The following COL6A3 variants were observed in gnomAD, a reference collection of about 807,000 sequenced individuals.
COL6A3 encodes collagen type VI alpha 3 chain.
COL6A3 carries 137 observed loss-of-function variants against 274.1 expected under a neutral mutation model. That is an observed-to-expected ratio of 0.50 (90% CI 0.44 to 0.58). The LOEUF is 0.58. Among genes scored for constraint, COL6A3 ranks in the 20% least tolerant of loss-of-function variants. The pLI, the probability that COL6A3 is intolerant of heterozygous loss-of-function variation, is 0.00. For synonymous variants in COL6A3, 1,650 were observed against 1,650.6 expected (o/e 1.00, Z 0.01); for missense variants, 3,950 against 4,124.9 (o/e 0.96, Z 1.16).
At chr2:237,369,560 C>G (rs149768798) in intron 9 of COL6A3, among the ~76,000 whole-genome samples, 1 of 152,292 alleles carries the variant, frequency 6.6e-6, no homozygotes, top group Non-Finnish European at 1.5e-5. Context: ...GGATCTATAT[C>G]TTTGTTGTAC....
intron 1 of COL6A3, among the ~76,000 whole-genome samples, chr2:237,400,200 T>C (rs1024347662): frequency 6.6e-6 from 1 of 152,206 alleles, no homozygotes; most frequent in Admixed American, 6.5e-5. Flanking sequence ...GATTACAGCA[T>C]GTAAAGGCAT....
At position 237,344,754 on chromosome 2, in the gene COL6A3, G is replaced by A. The variant is rs878854379; in HGVS notation, c.7264C>T (p.Arg2422Ter). 6.9e-6 allele frequency: 11 copies of A among 1,600,510 alleles called. No homozygotes were observed. Among genetic ancestry groups the A allele is most frequent in the South Asian group, 1.1e-5 (1 of 89,514 alleles). Residue 2422 changes from arginine to a stop codon, truncating the protein, a stop_gained, in exon 36 of 44, where the codon CGA becomes TGA. Coordinates refer to ENST00000295550, the MANE Select transcript of COL6A3 (RefSeq NM_004369.4). LOFTEE classifies it high-confidence loss of function. The surrounding 1 kb of genome is among the most constrained non-coding windows in gnomAD (Gnocchi z 4.8). ...GVNQDTFGRM[R>*]DVVLSIVNDL... Reference sequence around the variant, plus strand: ...TTCACAATACTCAAGACCACATCTCGCATCCGGCCGAAAGTGTCTTGGTTG... The same window carrying A: ...TTCACAATACTCAAGACCACATCTCACATCCGGCCGAAAGTGTCTTGGTTG...
rs886043408 is a variant in COL6A3 at position 237,381,050 on chromosome 2, C to T, written c.1762G>A (p.Asp588Asn). The change falls in exon 5 of 44, where the codon GAT becomes AAT. Residue 588 changes from aspartate (D) to asparagine (N), a missense_variant. Physicochemically the swap from Asp to Asn is conservative, Grantham distance 23 (BLOSUM62 1). Transcript: ENST00000295550. ...MAFAIGNKGA[D>N]QAELEEIAFD... ...GCGATCTCTTCCAGCTCAGCCTGATCGGCACCCTTGTTCCCAATGGCAAAG... is the reference window on the plus strand; with the variant it reads ...GCGATCTCTTCCAGCTCAGCCTGATTGGCACCCTTGTTCCCAATGGCAAAG... 41 of 1,614,078 alleles carry T rather than the reference C, an allele frequency of 2.5e-5. No homozygotes were observed. The highest frequency in any genetic ancestry group is 1.6e-4 in the Middle Eastern group (1 of 6,084).
At chr2:237,396,494 CA>C (rs2078444042) in intron 2 of COL6A3, among the ~76,000 whole-genome samples, 1 of 152,146 alleles carries the variant, frequency 6.6e-6, no homozygotes. Flanking sequence ...ATTTTCAAGC[CA>C]ATTCCAAGAT....
intron 30 of COL6A3, 103 bp from the exon 31 acceptor site, chr2:237,347,972 C>T (rs944905861): frequency 3.7e-6 from 4 of 1,068,492 alleles, no homozygotes; most frequent in Non-Finnish European, 5.7e-6. Flanking sequence ...TCACACTTTT[C>T]CCGGGCAGCC....
chr2:237,340,407 G>A (rs1346322941), intron 38 of COL6A3, 45 bp downstream of exon 38: 2 of 1,553,690 alleles, frequency 1.3e-6, no homozygotes, highest in Non-Finnish European at 1.8e-6. Flanking sequence ...CCTGGCCCGA[G>A]CATAAAGCCA....
chr2:237,356,560 C>T (rs1356897223), intron 23 of COL6A3, among the ~76,000 whole-genome samples: 1 of 152,188 alleles, frequency 6.6e-6, no homozygotes, highest in Non-Finnish European at 1.5e-5. Flanking sequence ...CCCCTCAGGG[C>T]GTGGCTGAGG....
rs547610474 is a variant in COL6A3, at chr2:237,364,981, T to C, written c.5839-553A>G. On this transcript the variant is annotated intron_variant, in intron 12 of 43. Coordinates refer to ENST00000295550, the MANE Select transcript of COL6A3 (RefSeq NM_004369.4). This position sits in a 1 kb window ranked among gnomAD's most constrained non-coding sequence, Gnocchi z 4.6. ...GGGCTAAATTGTGTCCCCTCAAAAT[T>C]TGTATGTTAAGTCCTAAACCCCAGT... Among the ~76,000 whole-genome samples the C allele has an allele frequency of 6.6e-6, 1 of 151,662 alleles. No homozygotes were observed. The highest frequency in any genetic ancestry group is 1.9e-4 in the East Asian group (1 of 5,164).
At position 237,378,741 on chromosome 2, in the gene COL6A3, G is replaced by A. The variant is rs779083698; in HGVS notation, c.2392C>T (p.Leu798Phe). The A allele has an allele frequency of 1.2e-6, 2 of 1,614,162 alleles. No individual in the cohort carries two copies. Among genetic ancestry groups the A allele is most frequent in the Non-Finnish European group, 1.7e-6 (2 of 1,180,040 alleles). The change falls in exon 6 of 44, where the codon CTC becomes TTC. Residue 798 changes from leucine (L) to phenylalanine (F), a missense_variant. Transcript: ENST00000295550. The stretch of plus-strand genomic sequence containing the variant: ...GGCAGGGAGCTGAAATCATCCATGA[G>A]ATACACCAGGCTTGGGTTAAAAGCA... ...QIAFNPSLVY[L>F]MDDFSSLPAL...
intron 27 of COL6A3, among the ~76,000 whole-genome samples, chr2:237,350,735 G>T (rs570224552): frequency 6.6e-6 from 1 of 152,338 alleles, no homozygotes; most frequent in East Asian, 1.9e-4. Context: ...CACTGTGCGT[G>T]CACTGCCCAT....
At position 237,361,281 on chromosome 2, in the gene COL6A3, G is replaced by T; in HGVS notation, c.6157-107C>A. Reference sequence around the variant, plus strand: ...TTTGGCAGAGCAGCACTAAAACTCAGCATGGCTTTCCCTGTTACTGCTTTT... The same window carrying T: ...TTTGGCAGAGCAGCACTAAAACTCATCATGGCTTTCCCTGTTACTGCTTTT... On this transcript the variant is annotated intron_variant, in intron 15 of 43. Transcript: ENST00000295550. The surrounding 1 kb of genome is among the most constrained non-coding windows in gnomAD (Gnocchi z 5.1). The T allele has an allele frequency of 1.0e-6, 1 of 969,816 alleles. No homozygotes were observed. Among genetic ancestry groups the T allele is most frequent in the South Asian group, 1.3e-5 (1 of 74,582 alleles). 60.1% of individuals were successfully genotyped at this position (969,816 alleles called of 1,614,324 possible).
In COL6A3 at chr2:237,353,328, C is replaced by T. The variant is rs200027587; in HGVS notation, c.6690+13G>A. Reference sequence around the variant, plus strand: ...ATATCAGAGGGCACACAGTCACACACGGAAGCACTCACCTGTGCACCTCTG... The same window carrying T: ...ATATCAGAGGGCACACAGTCACACATGGAAGCACTCACCTGTGCACCTCTG... On this transcript the variant is annotated intron_variant, in intron 25 of 43. Transcript: ENST00000295550. 6.8e-5 allele frequency: 110 copies of T among 1,613,392 alleles called. No homozygotes were observed. Among genetic ancestry groups the T allele is most frequent in the African/African-American group, 4.8e-4 (36 of 75,034 alleles).
At chr2:237,369,507 C>A (rs1359117030) in intron 9 of COL6A3, among the ~76,000 whole-genome samples, 1 of 152,232 alleles carries the variant, frequency 6.6e-6, no homozygotes, top group Non-Finnish European at 1.5e-5. Context: ...CCGTAATCTA[C>A]AGAATCATGA....
rs2077512457 is a variant in COL6A3 at position 237,364,800 on chromosome 2, TG to T, written c.5839-373del. On this transcript the variant is annotated intron_variant, in intron 12 of 43. Coordinates refer to ENST00000295550, the MANE Select transcript of COL6A3 (RefSeq NM_004369.4). The surrounding 1 kb of genome is among the most constrained non-coding windows in gnomAD (Gnocchi z 4.6). Reference sequence around the variant, plus strand: ...TGTGTGTGTATGGGTGCATTGTGTGTGCATGTGTGTGCACGTGTGTGTGCAT... The same window carrying T: ...TGTGTGTGTATGGGTGCATTGTGTGTCATGTGTGTGCACGTGTGTGTGCAT... Among the ~76,000 whole-genome samples, 1 of 100,448 alleles carries T rather than the reference TG, an allele frequency of 1.0e-5. No individual in the cohort carries two copies. The highest frequency in any genetic ancestry group is 3.5e-4 in the East Asian group (1 of 2,874). The allele number at this position is 100,448 out of a possible 152,430, so 65.9% of individuals were successfully genotyped here.
Position 237,394,943 on chromosome 2 carries a change from G to T in COL6A3, c.353C>A (p.Thr118Asn), listed in dbSNP as rs756436846. The change falls in exon 3 of 44, where the codon ACT (threonine) becomes AAT (asparagine). Residue 118 changes from threonine to asparagine, a missense_variant. Coordinates refer to ENST00000295550, the MANE Select transcript of COL6A3 (RefSeq NM_004369.4). ...NMSYIGGTNQTGKGLEYIMQS... is the reference protein window; with the variant it reads ...NMSYIGGTNQNGKGLEYIMQS... ...CATTATGTATTCTAATCCTTTTCCA[G>T]TCTGATTGGTTCCCCCAATATAAGA... The T allele has an allele frequency of 6.2e-7, 1 of 1,614,000 alleles. No homozygotes were observed. Among genetic ancestry groups the T allele is most frequent in the Non-Finnish European group, 8.5e-7 (1 of 1,179,960 alleles).
At chr2:237,372,437 T>C in intron 8 of COL6A3, 100 bp from the exon 9 acceptor site, 1 of 1,594,958 alleles carries the variant, frequency 6.3e-7, no homozygotes, top group Non-Finnish European at 8.5e-7. Flanking sequence ...AGGCAGGGGA[T>C]CCTAACACCA....
intron 3 of COL6A3, among the ~76,000 whole-genome samples, chr2:237,388,821 A>G (rs907018552): frequency 1.3e-5 from 2 of 152,226 alleles, no homozygotes; most frequent in African/African-American, 4.8e-5. Context: ...TAAAGTTTTC[A>G]TGTAAAAAAT....
At chr2:237,330,032 G>A (rs1021336754) in intron 42 of COL6A3, 32 of 152,316 alleles carry the variant, frequency 2.1e-4, no homozygotes, top group Middle Eastern at 6.8e-3. Context: ...TCTAGTTTCT[G>A]CATTGAAACT....
intron 26 of COL6A3, among the ~76,000 whole-genome samples, chr2:237,352,252 T>C (rs568767354): frequency 6.6e-6 from 1 of 152,318 alleles, no homozygotes; most frequent in African/African-American, 2.4e-5. Context: ...TCCTGAGGCA[T>C]ATCCCCTGAT....
Sources: allele counts gnomAD v4.1 joint callset (sites outside exome capture counted in the v4.1 genomes callset), GRCh38; gene constraint gnomAD v4.1.1; non-coding constraint Gnocchi (gnomAD v3.1); transcripts MANE v1.5; gene names NCBI Gene and HGNC (gene_info 2026-07-23, HGNC 2026-07-21).